Variants in LRRTM4 observed in about 807,000 individuals in gnomAD.
The protein encoded by LRRTM4 is leucine-rich repeat transmembrane neuronal protein 4.
LRRTM4 carries 25 observed loss-of-function variants against 47.6 expected under a neutral mutation model. That is an observed-to-expected ratio of 0.53 (90% CI 0.38 to 0.73). LRRTM4 has a LOEUF of 0.73. Among genes scored for constraint, LRRTM4 ranks in the 30% least tolerant of loss-of-function variants. The pLI, the probability that LRRTM4 is intolerant of heterozygous loss-of-function variation, is 0.00. For synonymous variants in LRRTM4, 311 were observed against 269.5 expected (o/e 1.15, Z -1.51); for missense variants, 638 against 713.4 (o/e 0.89, Z 1.20).
At chr2:77,076,085 A>C (rs897064092) in intron 3 of LRRTM4, among the ~76,000 whole-genome samples, 4 of 152,132 alleles carry the variant, frequency 2.6e-5, no homozygotes, top group African/African-American at 9.7e-5. Context: ...ACATTTACAT[A>C]AAGCAAAAAG....
intron 3 of LRRTM4, among the ~76,000 whole-genome samples, chr2:77,360,406 A>C (rs138926465): frequency 2.0e-5 from 3 of 151,962 alleles, no homozygotes; most frequent in Non-Finnish European, 4.4e-5. Flanking sequence ...GCAGTGAGCC[A>C]AGATCACGGC....
intron 3 of LRRTM4, among the ~76,000 whole-genome samples, chr2:77,447,217 G>A (rs1676085828): frequency 6.6e-6 from 1 of 151,988 alleles, no homozygotes; most frequent in South Asian, 2.1e-4. Flanking sequence ...CACTTGTTTT[G>A]AAAATGCAAA....
chr2:77,242,312 G>A (rs183166290), intron 3 of LRRTM4, among the ~76,000 whole-genome samples: 17 of 152,164 alleles, frequency 1.1e-4, no homozygotes, highest in Admixed American at 1.1e-3. Flanking sequence ...GCAAAAATAA[G>A]TAAATTGAAT....
At chr2:77,159,588 A>G (rs1672655236) in intron 3 of LRRTM4, among the ~76,000 whole-genome samples, 1 of 152,002 alleles carries the variant, frequency 6.6e-6, no homozygotes, top group Admixed American at 6.6e-5. Context: ...TATTCATTAA[A>G]TGAAAGGGGA....
intron 3 of LRRTM4, among the ~76,000 whole-genome samples, chr2:77,411,917 T>G (rs1674457712): frequency 6.6e-6 from 1 of 152,160 alleles, no homozygotes; most frequent in Admixed American, 6.5e-5. Context: ...CTTGAACTAC[T>G]GTCAGTGAGA....
At chr2:77,077,706 A>G (rs1680384245) in intron 3 of LRRTM4, among the ~76,000 whole-genome samples, 1 of 152,172 alleles carries the variant, frequency 6.6e-6, no homozygotes, top group African/African-American at 2.4e-5. Flanking sequence ...GGGAATAACT[A>G]GCTCTAAAAC....
At chr2:76,782,936 A>C (rs566652400) in intron 3 of LRRTM4, among the ~76,000 whole-genome samples, 1 of 152,304 alleles carries the variant, frequency 6.6e-6, no homozygotes, top group South Asian at 2.1e-4. Context: ...CCATATAACA[A>C]ATTGTTGAAG....
intron 3 of LRRTM4, among the ~76,000 whole-genome samples, chr2:76,792,272 C>T (rs1011474905): frequency 6.6e-6 from 1 of 151,750 alleles, no homozygotes; most frequent in Non-Finnish European, 1.5e-5. Context: ...ATTAAAAAAA[C>T]CTTCACTGTT....
At chr2:77,049,127 T>TATATATATACATATATATATATAC (rs1439348751) in intron 3 of LRRTM4, among the ~76,000 whole-genome samples, 1 of 81,718 alleles carries the variant, frequency 1.2e-5, no homozygotes, top group African/African-American at 5.4e-5. Context: ...ATTTTTTATA[T>TATATATATACATATATATATATAC]ATATATATAT....
intron 3 of LRRTM4, among the ~76,000 whole-genome samples, chr2:77,037,168 T>C (rs757876919): frequency 6.6e-6 from 1 of 151,784 alleles, no homozygotes; most frequent in Non-Finnish European, 1.5e-5. Context: ...ATAAATGCAC[T>C]AATATTTTAT....
rs761352152 is a variant in LRRTM4 at position 77,518,760 on chromosome 2, C to G, written c.1109G>C (p.Arg370Thr). Residue 370 changes from arginine (R) to threonine (T), a missense_variant, in exon 3 of 4, where the codon AGA becomes ACA. Transcript: ENST00000409884. ...GGGAGTTTGGGGCACCAGGTGTGAT[C>G]TTTCTGTGTTGACCACCTGGACTTC... is the stretch of plus-strand genomic sequence containing the variant. ...CSEVQVVNTE[R>T]SHLVPQTPQK... 2 of 1,613,310 alleles carry G rather than the reference C, an allele frequency of 1.2e-6. No individual in the cohort carries two copies. The highest frequency in any genetic ancestry group is 1.7e-6 in the Non-Finnish European group (2 of 1,179,604).
At chr2:77,499,639 C>T (rs996364744) in intron 3 of LRRTM4, among the ~76,000 whole-genome samples, 1 of 151,914 alleles carries the variant, frequency 6.6e-6, no homozygotes, top group African/African-American at 2.4e-5. Flanking sequence ...GTCACTCTAA[C>T]TAGATGAACA....
intron 3 of LRRTM4, among the ~76,000 whole-genome samples, chr2:76,779,186 T>A (rs1381390279): frequency 6.6e-6 from 1 of 152,094 alleles, no homozygotes. Flanking sequence ...TCCAAGTATG[T>A]GGTCATGTTT....
chr2:77,477,815 C>T (rs12998017), intron 3 of LRRTM4, among the ~76,000 whole-genome samples: 3 of 133,688 alleles, frequency 2.2e-5, no homozygotes, highest in Admixed American at 7.6e-5. Flanking sequence ...CTCCAGCCTG[C>T]GCAACAAGGC....
At chr2:76,854,567 C>G (rs1672091426) in intron 3 of LRRTM4, among the ~76,000 whole-genome samples, 1 of 152,156 alleles carries the variant, frequency 6.6e-6, no homozygotes, top group African/African-American at 2.4e-5. Flanking sequence ...TGATTTGTAG[C>G]ATTTGCCAAT....
At chr2:77,152,892 G>A (rs1009110973) in intron 3 of LRRTM4, among the ~76,000 whole-genome samples, 1 of 152,080 alleles carries the variant, frequency 6.6e-6, no homozygotes, top group African/African-American at 2.4e-5. Flanking sequence ...TTTAAATCAA[G>A]CTAGTTAACA....
At chr2:77,000,273 TAC>T (rs1288221470) in intron 3 of LRRTM4, among the ~76,000 whole-genome samples, 10 of 150,894 alleles carry the variant, frequency 6.6e-5, no homozygotes, top group Non-Finnish European at 1.3e-4. Flanking sequence ...GGACTGAACA[TAC>T]AGTCTATCTC....
chr2:77,359,098 A>G (rs1487377714), intron 3 of LRRTM4, among the ~76,000 whole-genome samples: 1 of 152,144 alleles, frequency 6.6e-6, no homozygotes, highest in African/African-American at 2.4e-5. Flanking sequence ...AAAGTCTTAC[A>G]TAATAAATGT....
chr2:76,859,143 T>C (rs1672240657), intron 3 of LRRTM4, among the ~76,000 whole-genome samples: 1 of 152,078 alleles, frequency 6.6e-6, no homozygotes, highest in South Asian at 2.1e-4. Flanking sequence ...TACCATAAAG[T>C]AGAAAGGACT....
Sources: allele counts gnomAD v4.1 joint callset (sites outside exome capture counted in the v4.1 genomes callset), GRCh38; gene constraint gnomAD v4.1.1; transcripts MANE v1.5; gene names NCBI Gene and HGNC (gene_info 2026-07-23, HGNC 2026-07-21).